ANKRD44: variants seen among roughly 807,000 people sequenced by gnomAD.
The protein encoded by ANKRD44 is serine/threonine-protein phosphatase 6 regulatory ankyrin repeat subunit B.
ANKRD44 carries 35 observed loss-of-function variants against 116.0 expected under a neutral mutation model. The observed-to-expected ratio is 0.30, with a 90% CI of 0.23 to 0.40. ANKRD44 has a LOEUF of 0.40. Among genes scored for constraint, ANKRD44 ranks in the 10% least tolerant of loss-of-function variants. The probability of loss-of-function intolerance (pLI) is 1.00; values close to 1 mark genes in which losing one functional copy is unlikely to be tolerated. For missense variants in ANKRD44, 1,014 were observed against 1,242.6 expected (o/e 0.82, Z 2.77); for synonymous variants, 435 against 461.8 (o/e 0.94, Z 0.74).
chr2:197,032,477 C>T (rs1041626091), intron 16 of ANKRD44, among the ~76,000 whole-genome samples: 1 of 151,890 alleles, frequency 6.6e-6, no homozygotes, highest in African/African-American at 2.4e-5. Context: ...CAACTTCCGC[C>T]TCCCGGGTTC....
chr2:197,129,692 G>C (rs1463397941), intron 4 of ANKRD44, among the ~76,000 whole-genome samples: 1 of 152,136 alleles, frequency 6.6e-6, no homozygotes, highest in African/African-American at 2.4e-5. Context: ...TTAACAAAAG[G>C]CCACTTCAAC....
At chr2:197,111,838 A>T (rs942100948) in intron 8 of ANKRD44, among the ~76,000 whole-genome samples, 3 of 152,170 alleles carry the variant, frequency 2.0e-5, no homozygotes, top group African/African-American at 7.2e-5. Context: ...CTCTTACTTT[A>T]CTTAACTCAT....
chr2:197,091,873 T>C (rs2078050409), intron 10 of ANKRD44, among the ~76,000 whole-genome samples: 1 of 152,196 alleles, frequency 6.6e-6, no homozygotes, highest in Admixed American at 6.5e-5. Flanking sequence ...AAAACACAAT[T>C]GGAGGTAATA....
chr2:197,075,959 T>C (rs2077656690), intron 16 of ANKRD44, among the ~76,000 whole-genome samples: 2 of 152,148 alleles, frequency 1.3e-5, no homozygotes, highest in Admixed American at 1.3e-4. Flanking sequence ...TTCATCAGCC[T>C]CACAAATCAG....
At chr2:197,252,171 AC>A (rs556403916) in intron 1 of ANKRD44, among the ~76,000 whole-genome samples, 210 of 152,188 alleles carry the variant, frequency 1.4e-3, no homozygotes, top group African/African-American at 5.0e-3. Context: ...ATACACTAAA[AC>A]TATTTAATCT....
intron 16 of ANKRD44, among the ~76,000 whole-genome samples, chr2:197,068,872 T>C (rs1200678669): frequency 6.6e-6 from 1 of 152,180 alleles, no homozygotes; most frequent in South Asian, 2.1e-4. Context: ...AGTTCAACCA[T>C]TGTGGAAGAC....
chr2:197,008,064 T>C lies in ANKRD44; in HGVS notation c.2013-141A>G. On this transcript the variant is annotated intron_variant, in intron 19 of 27. Transcript: ENST00000282272. ...CTTAATATTTTCTAAGTGTCCCCAG[T>C]TTGCTATACAATATGCAGAACAAGC... is the stretch of plus-strand genomic sequence containing the variant. 7.9e-6 allele frequency: 5 copies of C among 632,382 alleles called. No individual in the cohort carries two copies. The South Asian group carries it at 9.6e-5, about 12-fold the overall frequency. The allele number at this position is 632,382 out of a possible 1,614,324, so 39.2% of individuals were successfully genotyped here.
chr2:197,184,527 G>C (rs958228630), intron 2 of ANKRD44, among the ~76,000 whole-genome samples: 7 of 151,200 alleles, frequency 4.6e-5, no homozygotes, highest in African/African-American at 1.7e-4. Context: ...TGTAATCCCA[G>C]CTACTTGGGA....
At chr2:196,991,036 G>A in intron 27 of ANKRD44, 1 of 1,010,010 alleles carries the variant, frequency 9.9e-7, no homozygotes, top group Non-Finnish European at 1.3e-6. Context: ...TGTATGTTGA[G>A]TTAGAAATCA....
At chr2:197,078,468 C>T in intron 16 of ANKRD44, 2 of 1,177,208 alleles carry the variant, frequency 1.7e-6, no homozygotes, top group African/African-American at 1.6e-5. Context: ...GACTACCATG[C>T]TTTTGTGCTG....
intron 4 of ANKRD44, among the ~76,000 whole-genome samples, chr2:197,128,719 G>A (rs1325198769): frequency 6.6e-6 from 1 of 152,150 alleles, no homozygotes; most frequent in Non-Finnish European, 1.5e-5. Context: ...GCCCATGCCT[G>A]TGTCCTGAAT....
chr2:197,240,715 T>A (rs1226858484), intron 1 of ANKRD44, among the ~76,000 whole-genome samples: 1 of 147,762 alleles, frequency 6.8e-6, no homozygotes, highest in Non-Finnish European at 1.5e-5. Context: ...AGCCACAACA[T>A]GTAAGATTTT....
intron 8 of ANKRD44, among the ~76,000 whole-genome samples, chr2:197,114,937 T>C (rs2078673167): frequency 6.6e-6 from 1 of 152,204 alleles, no homozygotes; most frequent in Non-Finnish European, 1.5e-5. Flanking sequence ...CACTCATTCC[T>C]CTCCTTTCCC....
intron 1 of ANKRD44, among the ~76,000 whole-genome samples, chr2:197,290,836 A>T: frequency 6.6e-6 from 1 of 151,470 alleles, no homozygotes. Flanking sequence ...TGTTTTTGAG[A>T]TGGAGTCTCA....
intron 16 of ANKRD44, among the ~76,000 whole-genome samples, chr2:197,037,976 T>C (rs2076838275): frequency 6.6e-6 from 1 of 152,028 alleles, no homozygotes; most frequent in Non-Finnish European, 1.5e-5. Context: ...TTGCTACATT[T>C]TAAAAACCAG....
intron 16 of ANKRD44, among the ~76,000 whole-genome samples, chr2:197,061,335 G>A (rs539712718): frequency 2.0e-5 from 3 of 152,308 alleles, no homozygotes; most frequent in African/African-American, 7.2e-5. Flanking sequence ...GTCGGGTGGG[G>A]ACTGCAGGAG....
intron 4 of ANKRD44, among the ~76,000 whole-genome samples, chr2:197,133,202 A>G (rs2079132931): frequency 6.6e-6 from 1 of 152,180 alleles, no homozygotes; most frequent in Admixed American, 6.5e-5. Flanking sequence ...AGTTTCTCCA[A>G]TTCTTGGGCC....
At chr2:197,055,283 G>A (rs62279187) in intron 16 of ANKRD44, among the ~76,000 whole-genome samples, 1 of 151,988 alleles carries the variant, frequency 6.6e-6, no homozygotes, top group Non-Finnish European at 1.5e-5. Flanking sequence ...TTTCTATTGG[G>A]TTATCTATTT....
At chr2:197,173,768 C>T (rs746356684) in intron 2 of ANKRD44, among the ~76,000 whole-genome samples, 1 of 152,132 alleles carries the variant, frequency 6.6e-6, no homozygotes, top group Non-Finnish European at 1.5e-5. Flanking sequence ...TGTGGTGGCT[C>T]ACACCTGTAA....
Sources: gnomAD v4.1 joint callset for allele counts (sites outside exome capture counted in the v4.1 genomes callset) on GRCh38, gnomAD v4.1.1 for gene constraint, MANE v1.5 for transcripts, NCBI Gene and HGNC (gene_info 2026-07-23, HGNC 2026-07-21) for gene names.